UNC13C: variants seen among roughly 807,000 people sequenced by gnomAD.
UNC13C encodes the protein unc-13 homolog C.
UNC13C carries 174 observed loss-of-function variants against 245.4 expected under a neutral mutation model. That is an observed-to-expected ratio of 0.71 (90% CI 0.63 to 0.80). The LOEUF is 0.80. Among genes scored for constraint, UNC13C ranks in the 30% least tolerant of loss-of-function variants. UNC13C has a pLI of 0.00. For missense variants in UNC13C, 2,829 were observed against 2,602.9 expected (o/e 1.09, Z -1.89); for synonymous variants, 992 against 895.1 (o/e 1.11, Z -1.93).
intron 2 of UNC13C, among the ~76,000 whole-genome samples, chr15:54,102,969 G>A (rs574732643): frequency 1.3e-5 from 2 of 152,284 alleles, no homozygotes; most frequent in Admixed American, 1.3e-4. Flanking sequence ...GCCTGTTGGT[G>A]GCTGTCGTAG....
intron 4 of UNC13C, among the ~76,000 whole-genome samples, chr15:54,190,699 A>G (rs12901717): frequency 0.14 from 21,957 of 151,988 alleles, 2,055 homozygotes; most frequent in Middle Eastern, 0.23. Flanking sequence ...TGCAAAAATT[A>G]TTATTTTTTA....
At chr15:53,932,970 C>T in the UNC13C span, among the ~76,000 whole-genome samples, 2 of 152,190 alleles carry the variant, frequency 1.3e-5, no homozygotes, top group Non-Finnish European at 2.9e-5. Context: ...TTCTGGTTGG[C>T]ACTGTCATCC....
intron 19 of UNC13C, among the ~76,000 whole-genome samples, chr15:54,450,621 A>G (rs1891118799): frequency 1.3e-5 from 2 of 152,226 alleles, no homozygotes; most frequent in Non-Finnish European, 1.5e-5. Context: ...CGATTGGAAA[A>G]GCACAGTATT....
intron 27 of UNC13C, 80 bp downstream of exon 27, chr15:54,546,925 T>A: frequency 8.0e-7 from 1 of 1,254,702 alleles, no homozygotes. Flanking sequence ...CCAGATGAAA[T>A]ACTAATTAAA....
At chr15:54,399,588 C>A (rs1162403498) in intron 18 of UNC13C, among the ~76,000 whole-genome samples, 1 of 151,778 alleles carries the variant, frequency 6.6e-6, no homozygotes, top group Non-Finnish European at 1.5e-5. Context: ...ACAGTGAAGT[C>A]TCAACTCATT....
rs2035655979 is a variant in UNC13C at position 54,235,095 on chromosome 15, T to C, written c.3137T>C (p.Ile1046Thr). Residue 1046 changes from isoleucine (I) to threonine (T), a missense_variant, in exon 5 of 33, where the codon ATT becomes ACT. By Grantham distance (89) the Ile-to-Thr change is moderately conservative (BLOSUM62 -1). Transcript: ENST00000260323. Reference sequence around the variant, plus strand: ...CTTCGCAGAAAAAAAACTTTGCCTATTGTCCGAGATGTGGTAAGTTACAAC... The same window carrying C: ...CTTCGCAGAAAAAAAACTTTGCCTACTGTCCGAGATGTGGTAAGTTACAAC... ...PDLRRKKTLP[I>T]VRDVAMTLAA... 1 of 1,613,894 alleles carries C rather than the reference T, an allele frequency of 6.2e-7. No homozygotes were observed. The highest frequency in any genetic ancestry group is 1.3e-5 in the African/African-American group (1 of 75,050).
intron 30 of UNC13C, among the ~76,000 whole-genome samples, chr15:54,573,117 TTATAATAAATGG>T (rs1324074147): frequency 1.3e-5 from 2 of 152,214 alleles, no homozygotes; most frequent in East Asian, 1.9e-4. Flanking sequence ...ATAAATGGGT[TTATAATAAATGG>T]TTTAATAAAT....
intron 19 of UNC13C, among the ~76,000 whole-genome samples, chr15:54,432,949 A>G (rs2040901980): frequency 1.3e-5 from 2 of 152,170 alleles, no homozygotes; most frequent in African/African-American, 4.8e-5. Context: ...AACTACCATC[A>G]GAGAATGCTA....
intron 19 of UNC13C, among the ~76,000 whole-genome samples, chr15:54,450,794 A>T (rs1048182830): frequency 6.6e-6 from 1 of 152,064 alleles, no homozygotes; most frequent in African/African-American, 2.4e-5. Context: ...CCACTGTCCG[A>T]CAAGCCCTAG....
intron 18 of UNC13C, among the ~76,000 whole-genome samples, chr15:54,400,669 T>C (rs1362826873): frequency 6.6e-6 from 1 of 152,196 alleles, no homozygotes; most frequent in African/African-American, 2.4e-5. Flanking sequence ...AATTTCTTCA[T>C]CAACCTTTCC....
At chr15:54,003,451 G>A (rs959478935) in intron 1 of UNC13C, among the ~76,000 whole-genome samples, 3 of 152,104 alleles carry the variant, frequency 2.0e-5, no homozygotes, top group African/African-American at 7.2e-5. Context: ...CTTATTCAAG[G>A]TTCCTCAGTA....
At chr15:54,615,870 T>A (rs1291089809) in intron 30 of UNC13C, among the ~76,000 whole-genome samples, 2 of 151,988 alleles carry the variant, frequency 1.3e-5, no homozygotes, top group Non-Finnish European at 2.9e-5. Flanking sequence ...AATCCAGAAC[T>A]GAAAAATAAG....
rs76034375 is a variant in UNC13C, at chr15:54,180,464, G to C, written c.3071+36780G>C. ...ATTGTGAATAGTGTGATGAACATGA[G>C]AGTGCATTTGTATTTTTGGTAGAAA... is the stretch of plus-strand genomic sequence containing the variant. On this transcript the variant is annotated intron_variant, in intron 4 of 32. Coordinates refer to ENST00000260323, the MANE Select transcript of UNC13C (RefSeq NM_001080534.3). 6.0e-3 allele frequency among the ~76,000 whole-genome samples: 913 copies of C among 152,120 alleles called. 51 individuals are homozygous for C. The East Asian group carries it at 0.11, about 18-fold the overall frequency.
intron 8 of UNC13C, among the ~76,000 whole-genome samples, chr15:54,256,036 A>G (rs1205964332): frequency 6.6e-6 from 1 of 152,194 alleles, no homozygotes; most frequent in Non-Finnish European, 1.5e-5. Context: ...ATATCAATGC[A>G]TGTTTTTTCA....
chr15:54,381,580 A>G (rs2039726032), intron 17 of UNC13C, among the ~76,000 whole-genome samples: 1 of 152,104 alleles, frequency 6.6e-6, no homozygotes, highest in African/African-American at 2.4e-5. Flanking sequence ...CTTCCAATCC[A>G]TAAACATTGG....
Position 54,567,836 on chromosome 15 carries a change from A to C in UNC13C, c.5995A>C (p.Asn1999His). Residue 1999 changes from asparagine to histidine, a missense_variant, in exon 30 of 33, where the codon AAT becomes CAT. Coordinates refer to ENST00000260323, the MANE Select transcript of UNC13C (RefSeq NM_001080534.3). ...TGCAGGAGGAAATGGCCTGAAAAAGAATTTCTTGGAGAAAAGCCCAGATCT... is the reference window on the plus strand; with the variant it reads ...TGCAGGAGGAAATGGCCTGAAAAAGCATTTCTTGGAGAAAAGCCCAGATCT... ...FHAGGNGLKKNFLEKSPDLQS... is the reference protein window; with the variant it reads ...FHAGGNGLKKHFLEKSPDLQS... 6.2e-7 allele frequency: 1 copy of C among 1,605,366 alleles called. No homozygotes were observed. The highest frequency in any genetic ancestry group is 8.5e-7 in the Non-Finnish European group (1 of 1,175,324).
chr15:54,533,158 T>C (rs774911951), intron 26 of UNC13C, 92 bp downstream of exon 26: 5 of 972,084 alleles, frequency 5.1e-6, no homozygotes, highest in South Asian at 1.7e-5. Flanking sequence ...CTGTGTAAGG[T>C]AGCATTAAAA....
intron 26 of UNC13C, among the ~76,000 whole-genome samples, chr15:54,534,358 C>G (rs926530820): frequency 1.3e-5 from 2 of 152,196 alleles, no homozygotes; most frequent in Admixed American, 6.5e-5. Flanking sequence ...TTGACTTTGA[C>G]TGAACCCAAT....
intron 2 of UNC13C, among the ~76,000 whole-genome samples, chr15:54,052,227 TGCATGTGTCTTTATAGCA>T: frequency 9.1e-6 from 1 of 109,426 alleles, no homozygotes; most frequent in Non-Finnish European, 1.9e-5. Flanking sequence ...AACATACGTG[TGCATGTGTCTTTATAGCA>T]GCATGATTTA....
Sources: gnomAD v4.1 joint callset for allele counts (sites outside exome capture counted in the v4.1 genomes callset) on GRCh38, gnomAD v4.1.1 for gene constraint, MANE v1.5 for transcripts, NCBI Gene and HGNC (gene_info 2026-07-23, HGNC 2026-07-21) for gene names.